The following RTL9 variants were observed in gnomAD, a reference collection of about 807,000 sequenced individuals.
The protein encoded by RTL9 is retrotransposon Gag-like protein 9.
Under a neutral mutation model 44.7 loss-of-function variants are expected in RTL9, and 19 were observed. The ratio of observed to expected loss-of-function variants is 0.42; its 90% CI spans 0.30 to 0.62. RTL9 has a LOEUF of 0.62. Among genes scored for constraint, RTL9 ranks in the 20% least tolerant of loss-of-function variants. RTL9 has a pLI of 0.16. For synonymous variants in RTL9, 407 were observed against 398.9 expected, an observed-to-expected ratio of 1.02 and a Z score of -0.24; for missense variants, 1,105 against 1,080.6, an observed-to-expected ratio of 1.02 and a Z score of -0.32.
chrX:110,438,686 T>C (rs1340577832), intron 1 of RTL9, among the ~76,000 whole-genome samples: 1 of 111,575 alleles, frequency 9.0e-6, no homozygotes, highest in African/African-American at 3.3e-5. Flanking sequence ...GTCTTGATTT[T>C]TTTTTTAGCA....
At chrX:110,367,973 AATTATTATT>A (rs201193443) in intron 1 of RTL9, among the ~76,000 whole-genome samples, 3,430 of 85,288 alleles carry the variant, frequency 0.04, 71 homozygotes, top group African/African-American at 0.085. Flanking sequence ...AGTGCTGGCT[AATTATTATT>A]ATTATTATTA....
At position 110,454,406 on chromosome X, in the gene RTL9, G is replaced by A. The variant is rs755061164; in HGVS notation, c.3789G>A (p.Leu1263=). 9.1e-6 allele frequency: 11 copies of A among 1,210,712 alleles called. No individual in the cohort carries two copies. In the Admixed American group the frequency reaches 1.1e-4, roughly 12 times the overall value. ...ACTTCCTGCTGCTGGCCCGACATTT[G>A]TCTTGGTCTGATGCCATTCTACGGA... is the stretch of plus-strand genomic sequence containing the variant. The change falls in exon 1 of 2, where the codon TTG becomes TTA. Residue 1263 remains leucine, a synonymous_variant. Coordinates refer to ENST00000540313, the Ensembl canonical transcript of RTL9.
intron 1 of RTL9, among the ~76,000 whole-genome samples, chrX:110,395,527 G>A (rs753384508): frequency 1.8e-5 from 2 of 112,460 alleles, no homozygotes; most frequent in Non-Finnish European, 3.8e-5. Context: ...AACAGAAGAG[G>A]ATACAAAAGC....
chrX:110,416,973 G>T (rs752462), upstream of RTL9, among the ~76,000 whole-genome samples: 1,075 of 112,281 alleles, frequency 9.6e-3, 24 homozygotes, highest in Admixed American at 0.071. Flanking sequence ...TTCGGTTTTT[G>T]GGGGAGAGCT....
intron 1 of RTL9, among the ~76,000 whole-genome samples, chrX:110,387,174 AG>A (rs1394995545): frequency 8.9e-6 from 1 of 111,924 alleles, no homozygotes; most frequent in Non-Finnish European, 1.9e-5. Flanking sequence ...GAGGCATCTT[AG>A]TGATTAAATT....
At position 110,368,514 on chromosome X, in the gene RTL9, T is replaced by A. The variant is rs141445752; in HGVS notation, c.-168+9598T>A. 8.2e-3 allele frequency among the ~76,000 whole-genome samples: 919 copies of A among 112,221 alleles called. 5 individuals carry two copies. Among genetic ancestry groups the A allele is most frequent in the African/African-American group, 0.028 (859 of 30,930 alleles). ...GATGTTTCTTCCTCATAGAGTGTCA[T>A]GCTTATTCACTTGCTTCTGTCAAAT... On this transcript the variant is annotated intron_variant, in intron 1 of 2. Coordinates refer to the RTL9 transcript ENST00000520821.
intron 1 of RTL9, among the ~76,000 whole-genome samples, chrX:110,359,910 T>A (rs1321276484): frequency 8.9e-6 from 1 of 112,003 alleles, no homozygotes; most frequent in Non-Finnish European, 1.9e-5. Context: ...TACTTAGAAC[T>A]TAGAGAAGAG....
At chrX:110,382,933 T>C (rs190021386) in intron 1 of RTL9, among the ~76,000 whole-genome samples, 1 of 112,168 alleles carries the variant, frequency 8.9e-6, no homozygotes, top group Admixed American at 9.4e-5. Context: ...AAACCTTCTT[T>C]GGTGGCCCAT....
At chrX:110,369,979 G>A (rs1290920994) in intron 1 of RTL9, among the ~76,000 whole-genome samples, 1 of 110,061 alleles carries the variant, frequency 9.1e-6, no homozygotes, top group Non-Finnish European at 1.9e-5. Context: ...CCATATCTTT[G>A]ATCAGATTGA....
intron 1 of RTL9, among the ~76,000 whole-genome samples, chrX:110,432,508 C>G (rs1043170006): frequency 1.8e-5 from 2 of 111,835 alleles, no homozygotes; most frequent in African/African-American, 3.3e-5. Context: ...TGTGAGGCAG[C>G]GTTGGGGGCC....
At chrX:110,404,535 T>C in intron 1 of RTL9, among the ~76,000 whole-genome samples, 1 of 112,182 alleles carries the variant, frequency 8.9e-6, no homozygotes, top group Non-Finnish European at 1.9e-5. Flanking sequence ...TGTCTGATCA[T>C]AAGAAACTGT....
intron 1 of RTL9, among the ~76,000 whole-genome samples, chrX:110,407,135 A>C (rs1419863464): frequency 8.9e-6 from 1 of 112,269 alleles, no homozygotes; most frequent in African/African-American, 3.2e-5. Flanking sequence ...ATTTTATAGG[A>C]AAGTGGGAAC....
Position 110,381,876 on chromosome X carries a change from A to C in RTL9, c.-168+22960A>C, listed in dbSNP as rs1009420331. ...CTATACCTTGGGTACACATGGACAT[A>C]AAGATGAGAACAATAGACATTAAGG... On this transcript the variant is annotated intron_variant, in intron 1 of 2. Coordinates refer to the RTL9 transcript ENST00000520821. Among the ~76,000 whole-genome samples the C allele has an allele frequency of 2.7e-5, 3 of 111,338 alleles. No homozygotes were observed. In the Admixed American group the frequency reaches 2.9e-4, roughly 11 times the overall value.
At chrX:110,446,074 C>T (rs945154834), upstream of RTL9, among the ~76,000 whole-genome samples, 5 of 111,583 alleles carry the variant, frequency 4.5e-5, no homozygotes, top group African/African-American at 1.6e-4. Context: ...AACTGCAGCT[C>T]TTTGCACACA....
At chrX:110,393,662 C>T (rs1289788551) in intron 1 of RTL9, among the ~76,000 whole-genome samples, 1 of 112,171 alleles carries the variant, frequency 8.9e-6, no homozygotes, top group Non-Finnish European at 1.9e-5. Context: ...CTGAGAACTG[C>T]TTGGCACAAT....
At chrX:110,391,366 A>G (rs2068492430) in intron 1 of RTL9, among the ~76,000 whole-genome samples, 1 of 112,126 alleles carries the variant, frequency 8.9e-6, no homozygotes. Flanking sequence ...GGGGCACCAC[A>G]TCAGCCTACA....
chrX:110,436,737 C>T (rs764807214), intron 1 of RTL9, among the ~76,000 whole-genome samples: 2 of 111,644 alleles, frequency 1.8e-5, no homozygotes, highest in South Asian at 7.6e-4. Context: ...CTCTGGAAGC[C>T]TTAGTACCCT....
intron 1 of RTL9, among the ~76,000 whole-genome samples, chrX:110,376,458 C>T (rs932310612): frequency 9.0e-6 from 1 of 111,121 alleles, no homozygotes; most frequent in African/African-American, 3.3e-5. Context: ...TTCTATTAGC[C>T]CAAGTGAGTT....
At chrX:110,384,058 A>G (rs2068438172) in intron 1 of RTL9, among the ~76,000 whole-genome samples, 1 of 111,948 alleles carries the variant, frequency 8.9e-6, no homozygotes, top group Non-Finnish European at 1.9e-5. Flanking sequence ...CATTTCTTCT[A>G]TTGTTTTATT....
Sources: gnomAD v4.1 joint callset for allele counts (sites outside exome capture counted in the v4.1 genomes callset) on GRCh38, gnomAD v4.1.1 for gene constraint, MANE v1.5 for transcripts, NCBI Gene and HGNC (gene_info 2026-07-23, HGNC 2026-07-21) for gene names.